NAALADL2: variants seen among roughly 807,000 people sequenced by gnomAD.
NAALADL2 encodes the protein N-acetylated alpha-linked acidic dipeptidase like 2.
A neutral mutation model predicts 87.2 loss-of-function variants in NAALADL2; 76 were observed. The ratio of observed to expected loss-of-function variants is 0.87; its 90% CI spans 0.72 to 1.05. NAALADL2 has a LOEUF of 1.05. NAALADL2 is among the 50% of genes least tolerant of loss of function. The pLI, the probability that NAALADL2 is intolerant of heterozygous loss-of-function variation, is 0.00. For missense variants in NAALADL2, 1,089 were observed against 945.8 expected, an observed-to-expected ratio of 1.15 and a Z score of -1.99; for synonymous variants, 354 against 331.0, an observed-to-expected ratio of 1.07 and a Z score of -0.75.
At chr3:175,401,368 T>C (rs1770542421) in intron 5 of NAALADL2, among the ~76,000 whole-genome samples, 1 of 152,108 alleles carries the variant, frequency 6.6e-6, no homozygotes, top group South Asian at 2.1e-4. Flanking sequence ...TGTTAGAATT[T>C]TTCAAAATCA....
intron 2 of NAALADL2, among the ~76,000 whole-genome samples, chr3:174,642,834 GTACTGTGATGCAATCAC>G (rs1440878912): frequency 2.3e-4 from 35 of 149,764 alleles, no homozygotes; most frequent in African/African-American, 7.9e-4. Flanking sequence ...CCCAGGCTGA[GTACTGTGATGCAATCAC>G]AACTCACTGC....
At chr3:174,766,065 A>G (rs1466948019) in intron 3 of NAALADL2, among the ~76,000 whole-genome samples, 1 of 152,188 alleles carries the variant, frequency 6.6e-6, no homozygotes, top group East Asian at 1.9e-4. Flanking sequence ...ACAATTTTCT[A>G]GATGATTAAT....
chr3:175,418,028 G>A (rs1236780537), intron 5 of NAALADL2, among the ~76,000 whole-genome samples: 4 of 152,192 alleles, frequency 2.6e-5, no homozygotes, highest in South Asian at 2.1e-4. Flanking sequence ...TAGGAGATGA[G>A]GAGAGATAGC....
intron 4 of NAALADL2, among the ~76,000 whole-genome samples, chr3:175,286,570 T>C (rs1560292980): frequency 1.3e-5 from 2 of 152,188 alleles, no homozygotes; most frequent in Admixed American, 1.3e-4. Flanking sequence ...ACAGTATTTG[T>C]AGAACTACCT....
chr3:175,480,151 T>C (rs1726246348), intron 9 of NAALADL2, among the ~76,000 whole-genome samples: 1 of 151,828 alleles, frequency 6.6e-6, no homozygotes, highest in Admixed American at 6.6e-5. Context: ...TCTAGGTGCC[T>C]CTGGTTTCTA....
intron 5 of NAALADL2, among the ~76,000 whole-genome samples, chr3:175,403,885 T>C (rs1427062927): frequency 1.3e-5 from 2 of 152,134 alleles, no homozygotes; most frequent in Non-Finnish European, 2.9e-5. Context: ...ATATAAACTT[T>C]ATGTATTTGT....
chr3:175,371,127 T>C (rs1420533396), intron 5 of NAALADL2, among the ~76,000 whole-genome samples: 2 of 152,188 alleles, frequency 1.3e-5, no homozygotes, highest in Non-Finnish European at 2.9e-5. Context: ...CAAATTATAC[T>C]ATGTATAGTA....
intron 1 of NAALADL2, among the ~76,000 whole-genome samples, chr3:174,547,119 C>G (rs562798131): frequency 3.3e-5 from 5 of 152,014 alleles, no homozygotes; most frequent in Non-Finnish European, 7.4e-5. Context: ...ATGTGGGACT[C>G]AAAAGTGTAT....
chr3:174,988,034 G>C (rs921850008), intron 1 of NAALADL2, among the ~76,000 whole-genome samples: 1 of 151,884 alleles, frequency 6.6e-6, no homozygotes, highest in African/African-American at 2.4e-5. Context: ...GAGTTAACAT[G>C]TGATGAACAA....
At chr3:174,809,900 A>C (rs889715667) in intron 3 of NAALADL2, among the ~76,000 whole-genome samples, 2 of 152,106 alleles carry the variant, frequency 1.3e-5, no homozygotes, top group Admixed American at 1.3e-4. Flanking sequence ...TGCTGTTCTC[A>C]TGATAATGAT....
At chr3:175,705,066 G>A (rs905547236) in intron 11 of NAALADL2, among the ~76,000 whole-genome samples, 3 of 152,180 alleles carry the variant, frequency 2.0e-5, no homozygotes, top group Non-Finnish European at 4.4e-5. Context: ...CATTTTCAGA[G>A]ACATTTGCTC....
intron 1 of NAALADL2, among the ~76,000 whole-genome samples, chr3:174,508,734 T>C (rs1482927858): frequency 1.3e-5 from 2 of 152,158 alleles, no homozygotes; most frequent in African/African-American, 2.4e-5. Context: ...TTGGTGTCAT[T>C]TGAAGTGGCA....
At chr3:175,305,147 G>A (rs922007185) in intron 4 of NAALADL2, among the ~76,000 whole-genome samples, 2 of 151,826 alleles carry the variant, frequency 1.3e-5, no homozygotes, top group African/African-American at 4.8e-5. Context: ...AAATAATATG[G>A]TCAATAAGAA....
At chr3:174,959,068 G>C (rs1181911487) in intron 1 of NAALADL2, among the ~76,000 whole-genome samples, 1 of 152,008 alleles carries the variant, frequency 6.6e-6, no homozygotes, top group Non-Finnish European at 1.5e-5. Context: ...TGAATTTGGT[G>C]GACATCTGCT....
chr3:175,483,582 G>T (rs770024940), intron 9 of NAALADL2, among the ~76,000 whole-genome samples: 15 of 151,808 alleles, frequency 9.9e-5, no homozygotes, highest in Non-Finnish European at 1.9e-4. Flanking sequence ...ATAATGTTTG[G>T]TTTTCATAGT....
chr3:174,759,223 A>C (rs907246494), intron 3 of NAALADL2, among the ~76,000 whole-genome samples: 1 of 152,172 alleles, frequency 6.6e-6, no homozygotes, highest in Non-Finnish European at 1.5e-5. Flanking sequence ...CTGTGTTGTT[A>C]ATTTGCATTC....
chr3:174,784,113 G>T (rs937273572), intron 3 of NAALADL2, among the ~76,000 whole-genome samples: 2 of 151,884 alleles, frequency 1.3e-5, no homozygotes, highest in African/African-American at 2.4e-5. Context: ...AAATCACTGC[G>T]CATCTAATCA....
chr3:174,759,348 T>G (rs1265887453), intron 3 of NAALADL2, among the ~76,000 whole-genome samples: 3 of 152,190 alleles, frequency 2.0e-5, no homozygotes, highest in African/African-American at 7.2e-5. Context: ...CAAATTTGTT[T>G]GCCTGTGCAA....
rs545109247 is a variant in NAALADL2 at position 175,805,310 on chromosome 3, G to A, written c.*2107G>A. 1.3e-5 allele frequency: 2 copies of A among 151,948 alleles called. No homozygotes were observed. Among genetic ancestry groups the A allele is most frequent in the African/African-American group, 4.8e-5 (2 of 41,514 alleles). 9.4% of individuals were successfully genotyped at this position (151,948 alleles called of 1,614,324 possible). On this transcript the variant is annotated 3_prime_UTR_variant, in exon 14 of 14. Transcript: ENST00000454872. ...TTCTTCTTCATTTTGTTTAAAGATTGCGTACCTAGGTAAGTCACACTGTAT... is the reference window on the plus strand; with the variant it reads ...TTCTTCTTCATTTTGTTTAAAGATTACGTACCTAGGTAAGTCACACTGTAT...
Sources: gnomAD v4.1 joint callset for allele counts (sites outside exome capture counted in the v4.1 genomes callset) on GRCh38, gnomAD v4.1.1 for gene constraint, MANE v1.5 for transcripts, NCBI Gene and HGNC (gene_info 2026-07-23, HGNC 2026-07-21) for gene names.